ARHGAP28: variants seen among roughly 807,000 people sequenced by gnomAD.
ARHGAP28 encodes rho GTPase-activating protein 28.
A neutral mutation model predicts 90.7 loss-of-function variants in ARHGAP28; 56 were observed. The observed-to-expected ratio is 0.62, with a 90% CI of 0.50 to 0.77. The LOEUF (loss-of-function observed/expected upper bound fraction) is 0.77. Among genes scored for constraint, ARHGAP28 ranks in the 30% least tolerant of loss-of-function variants. The pLI, the probability that ARHGAP28 is intolerant of heterozygous loss-of-function variation, is 0.00. For missense variants in ARHGAP28, 869 were observed against 900.9 expected (o/e 0.96, Z 0.45); for synonymous variants, 308 against 323.3 (o/e 0.95, Z 0.51).
intron 1 of ARHGAP28, among the ~76,000 whole-genome samples, chr18:6,733,517 A>C (rs1418678277): frequency 1.3e-5 from 2 of 152,110 alleles, no homozygotes; most frequent in African/African-American, 2.4e-5. Context: ...GTTAATTCTC[A>C]TAATTAATTC....
intron 1 of ARHGAP28, among the ~76,000 whole-genome samples, chr18:6,761,052 A>T (rs778023461): frequency 6.6e-6 from 1 of 152,310 alleles, no homozygotes. Context: ...GCACGTAAAC[A>T]TACACAAAAC....
At chr18:6,830,120 C>G (rs1313064431) in intron 2 of ARHGAP28, among the ~76,000 whole-genome samples, 1 of 152,142 alleles carries the variant, frequency 6.6e-6, no homozygotes, top group Non-Finnish European at 1.5e-5. Flanking sequence ...TAAGGGCCCA[C>G]CCTACTCCAG....
At chr18:6,737,948 T>C (rs2041374161) in intron 1 of ARHGAP28, among the ~76,000 whole-genome samples, 1 of 152,212 alleles carries the variant, frequency 6.6e-6, no homozygotes, top group Non-Finnish European at 1.5e-5. Context: ...GTTAGTGCCA[T>C]GTAATTCCAA....
intron 9 of ARHGAP28, among the ~76,000 whole-genome samples, chr18:6,874,415 T>A (rs1029398735): frequency 7.2e-5 from 11 of 152,190 alleles, no homozygotes; most frequent in Admixed American, 6.5e-4. Context: ...CTGTGACTAT[T>A]GTTGCTGAAT....
At position 6,873,713 on chromosome 18, in the gene ARHGAP28, GTCC is replaced by G; in HGVS notation, c.1155_1157del (p.Leu386del). 2 of 1,613,610 alleles carry G rather than the reference GTCC, an allele frequency of 1.2e-6. No individual in the cohort carries two copies. The highest frequency in any genetic ancestry group is 1.7e-6 in the Non-Finnish European group (2 of 1,179,972). On this transcript the variant is annotated inframe_deletion, in exon 9 of 18. Coordinates refer to ENST00000383472, the MANE Select transcript of ARHGAP28 (RefSeq NM_001366230.1). ...TGGGATTTTTGGAGTTCCACTTACA[GTCC>G]TCCTGGACGGTGACCGAAAGAAAGA... is the stretch of plus-strand genomic sequence containing the variant.
At chr18:6,730,925 A>G (rs1273728817) in intron 1 of ARHGAP28, among the ~76,000 whole-genome samples, 1 of 152,122 alleles carries the variant, frequency 6.6e-6, no homozygotes, top group African/African-American at 2.4e-5. Context: ...CTGTTTCCTA[A>G]TTTAATTGAT....
At chr18:6,743,754 T>G (rs1414224787) in intron 1 of ARHGAP28, among the ~76,000 whole-genome samples, 1 of 151,164 alleles carries the variant, frequency 6.6e-6, no homozygotes, top group East Asian at 1.9e-4. Flanking sequence ...ATTTCACTCA[T>G]TAAAACAAGA....
chr18:6,786,579 G>A (rs2056366524), intron 1 of ARHGAP28, among the ~76,000 whole-genome samples: 2 of 152,056 alleles, frequency 1.3e-5, no homozygotes, highest in Non-Finnish European at 2.9e-5. Context: ...GGGGTGCGCT[G>A]ACCACTTCAT....
intron 1 of ARHGAP28, among the ~76,000 whole-genome samples, chr18:6,750,215 G>GT (rs1360310034): frequency 2.0e-5 from 3 of 152,134 alleles, no homozygotes; most frequent in Non-Finnish European, 4.4e-5. Context: ...TGAGGTAGGT[G>GT]TTTTTTTGCT....
Position 6,890,507 on chromosome 18 carries a change from C to CA in ARHGAP28, c.1813dup (p.Arg605LysfsTer33), listed in dbSNP as rs1567984358. ...TATTGAAGAAGCAGCTCCCAAGTGTCAGGAAGCTGCTCAGGAGGAAGACCC... is the reference window on the plus strand; with the variant it reads ...TATTGAAGAAGCAGCTCCCAAGTGTCAAGGAAGCTGCTCAGGAGGAAGACCC... On this transcript the variant is annotated frameshift_variant, in exon 14 of 18. Coordinates refer to ENST00000383472, the MANE Select transcript of ARHGAP28 (RefSeq NM_001366230.1). LOFTEE classifies it high-confidence loss of function. The CA allele has an allele frequency of 6.2e-7, 1 of 1,613,172 alleles. No homozygotes were observed. Among genetic ancestry groups the CA allele is most frequent in the Non-Finnish European group, 8.5e-7 (1 of 1,179,662 alleles).
intron 3 of ARHGAP28, among the ~76,000 whole-genome samples, chr18:6,846,983 G>C (rs1567968716): frequency 6.6e-6 from 1 of 152,148 alleles, no homozygotes; most frequent in Admixed American, 6.5e-5. Flanking sequence ...TTGGGAACAG[G>C]GTGAGCAAGT....
intron 3 of ARHGAP28, among the ~76,000 whole-genome samples, chr18:6,839,187 G>T (rs952889244): frequency 6.6e-6 from 1 of 152,070 alleles, no homozygotes; most frequent in Non-Finnish European, 1.5e-5. Context: ...TTTTGAAAAG[G>T]CTATTATACT....
intron 1 of ARHGAP28, among the ~76,000 whole-genome samples, chr18:6,820,126 T>G (rs73941124): frequency 0.014 from 2,192 of 152,266 alleles, 49 homozygotes; most frequent in African/African-American, 0.05. Flanking sequence ...TGTTAAGAGA[T>G]AAGATCTTTC....
chr18:6,790,261 T>G (rs2056397722), intron 1 of ARHGAP28: 2 of 152,240 alleles, frequency 1.3e-5, no homozygotes, highest in Admixed American at 1.3e-4. Flanking sequence ...CACTTAATGA[T>G]TTAAATCATA....
intron 16 of ARHGAP28, among the ~76,000 whole-genome samples, chr18:6,904,929 T>C (rs967211325): frequency 6.6e-6 from 1 of 152,262 alleles, no homozygotes; most frequent in Admixed American, 6.5e-5. Flanking sequence ...ATCTATAATA[T>C]TAAAGTTTTT....
At chr18:6,790,743 CAG>C (rs983224443) in intron 1 of ARHGAP28, 3 of 152,014 alleles carry the variant, frequency 2.0e-5, no homozygotes, top group Admixed American at 1.3e-4. Flanking sequence ...AAGGATGAAA[CAG>C]AGGAAACACT....
chr18:6,746,862 T>C (rs2056027348), intron 1 of ARHGAP28, among the ~76,000 whole-genome samples: 1 of 152,134 alleles, frequency 6.6e-6, no homozygotes, highest in South Asian at 2.1e-4. Flanking sequence ...TCTGAAAACT[T>C]AACCAGGGGT....
chr18:6,886,277 A>G (rs2057220485), intron 11 of ARHGAP28, among the ~76,000 whole-genome samples: 1 of 152,138 alleles, frequency 6.6e-6, no homozygotes, highest in Non-Finnish European at 1.5e-5. Flanking sequence ...CTTTCCTCCA[A>G]GAACTCCCCA....
chr18:6,915,518 A>AT lies in ARHGAP28; in HGVS notation c.*3364_*3365insT, dbSNP rs1478444305. On this transcript the variant is annotated 3_prime_UTR_variant, in exon 18 of 18. Transcript: ENST00000383472. ...CACACTTACATACACCTTAATTAAA[A>AT]ATTTTTTTCTGTCAGACATTTACCA... 3.7e-4 allele frequency: 19 copies of AT among 51,088 alleles called. 1 individual carries two copies. The highest frequency in any genetic ancestry group is 7.0e-4 in the African/African-American group (11 of 15,738). 3.2% of individuals were successfully genotyped at this position (51,088 alleles called of 1,614,324 possible).
Sources: gnomAD v4.1 joint callset for allele counts (sites outside exome capture counted in the v4.1 genomes callset) on GRCh38, gnomAD v4.1.1 for gene constraint, MANE v1.5 for transcripts, NCBI Gene and HGNC (gene_info 2026-07-23, HGNC 2026-07-21) for gene names.